Variants in PDZRN3 observed in about 807,000 individuals in gnomAD.
PDZRN3 encodes the protein E3 ubiquitin-protein ligase PDZRN3.
Under a neutral mutation model 85.7 loss-of-function variants are expected in PDZRN3, and 38 were observed. The observed-to-expected ratio is 0.44, with a 90% CI of 0.34 to 0.58. The LOEUF (loss-of-function observed/expected upper bound fraction) is 0.58, where lower values mean the gene tolerates loss of function less well. Ranked by LOEUF, PDZRN3 falls within the 20% of genes least tolerant of loss-of-function variation. The probability of loss-of-function intolerance (pLI) is 0.01; values close to 1 mark genes in which losing one functional copy is unlikely to be tolerated. For missense variants in PDZRN3, 1,629 were observed against 1,506.4 expected (o/e 1.08, Z -1.35); for synonymous variants, 759 against 638.0 (o/e 1.19, Z -2.86).
At chr3:73,423,499 T>C (rs1335009282) in intron 3 of PDZRN3, among the ~76,000 whole-genome samples, 1 of 152,266 alleles carries the variant, frequency 6.6e-6, no homozygotes, top group Non-Finnish European at 1.5e-5. Context: ...ATTTGGTTCA[T>C]GTGTTGTTTG....
chr3:73,460,919 G>A (rs1376247187), intron 3 of PDZRN3, among the ~76,000 whole-genome samples: 1 of 151,898 alleles, frequency 6.6e-6, no homozygotes, highest in Non-Finnish European at 1.5e-5. Context: ...TCAGCCTCCT[G>A]AGTAGCTGGG....
chr3:73,445,443 AAAAAC>A (rs201285971), intron 3 of PDZRN3, among the ~76,000 whole-genome samples: 37 of 152,108 alleles, frequency 2.4e-4, no homozygotes, highest in African/African-American at 5.8e-4. Flanking sequence ...GACACTTGAG[AAAAAC>A]AAAACAAAAC....
intron 3 of PDZRN3, among the ~76,000 whole-genome samples, chr3:73,468,988 CTAT>C (rs949494685): frequency 6.6e-6 from 1 of 151,958 alleles, no homozygotes; most frequent in Non-Finnish European, 1.5e-5. Flanking sequence ...ATATTGGCTC[CTAT>C]TATTATTATG....
At chr3:73,574,462 G>GGA (rs1553704243) in intron 3 of PDZRN3, among the ~76,000 whole-genome samples, 1 of 140,292 alleles carries the variant, frequency 7.1e-6, no homozygotes, top group East Asian at 2.2e-4. Flanking sequence ...TGGGGTGGGG[G>GGA]GGGTGGGGAG....
In PDZRN3 at chr3:73,624,891, C is replaced by T; in HGVS notation, c.-66G>A. On this transcript the variant is annotated 5_prime_UTR_variant, in exon 1 of 10. Transcript: ENST00000263666. ...CGCCCCCTCCCTCCCCACGAGGCGG[C>T]CCAGACAGGCCGGCTACGCCGCCCG... 1 of 1,212,154 alleles carries T rather than the reference C, an allele frequency of 8.2e-7. No homozygotes were observed. The highest frequency in any genetic ancestry group is 1.0e-6 in the Non-Finnish European group (1 of 964,518). 75.1% of individuals were successfully genotyped at this position (1,212,154 alleles called of 1,614,324 possible).
At chr3:73,405,208 T>C (rs567260667) in intron 3 of PDZRN3, among the ~76,000 whole-genome samples, 1 of 152,372 alleles carries the variant, frequency 6.6e-6, no homozygotes, top group South Asian at 2.1e-4. Flanking sequence ...GTCAGAACGT[T>C]GGACGCGGTG....
intron 1 of PDZRN3, among the ~76,000 whole-genome samples, chr3:73,617,688 A>G (rs1702784867): frequency 6.6e-6 from 1 of 152,010 alleles, no homozygotes. Context: ...CCAGGACATC[A>G]TCTCTTTTTT....
intron 3 of PDZRN3, among the ~76,000 whole-genome samples, chr3:73,519,741 A>T (rs576651329): frequency 6.6e-6 from 1 of 152,318 alleles, no homozygotes; most frequent in South Asian, 2.1e-4. Context: ...CCAGAACAGT[A>T]GCATCACATC....
In PDZRN3 at chr3:73,499,078, G is replaced by A. The variant is rs77251571; in HGVS notation, c.919-94683C>T. 5.8e-4 allele frequency among the ~76,000 whole-genome samples: 88 copies of A among 152,244 alleles called. 2 individuals are homozygous for A. The East Asian group carries it at 0.015, about 25-fold the overall frequency. Reference sequence around the variant, plus strand: ...TTCCCAGTGGCCGGTGACACCGCACGAAAGGGATAAACAACCACACGGCTG... The same window carrying A: ...TTCCCAGTGGCCGGTGACACCGCACAAAAGGGATAAACAACCACACGGCTG... On this transcript the variant is annotated intron_variant, in intron 3 of 9. Coordinates refer to ENST00000263666, the MANE Select transcript of PDZRN3 (RefSeq NM_015009.3).
chr3:73,489,575 C>CTTTTTTTTCTTT (rs1553694904), intron 3 of PDZRN3, among the ~76,000 whole-genome samples: 1 of 80,096 alleles, frequency 1.2e-5, no homozygotes, highest in Non-Finnish European at 2.3e-5. Flanking sequence ...AGTTTCTTTT[C>CTTTTTTTTCTTT]TTTTTTTTTT....
chr3:73,400,835 A>G (rs1041851945), intron 5 of PDZRN3, 87 bp downstream of exon 5: 2 of 958,444 alleles, frequency 2.1e-6, no homozygotes, highest in African/African-American at 3.2e-5. Context: ...CGGCATCCGT[A>G]AACTAATTTA....
At chr3:73,538,075 C>G (rs1187788731) in intron 3 of PDZRN3, among the ~76,000 whole-genome samples, 1 of 152,200 alleles carries the variant, frequency 6.6e-6, no homozygotes, top group Non-Finnish European at 1.5e-5. Context: ...TGATCATAGA[C>G]TCCATGGAGC....
intron 3 of PDZRN3, among the ~76,000 whole-genome samples, chr3:73,547,793 G>T (rs1431540239): frequency 6.6e-6 from 1 of 152,176 alleles, no homozygotes; most frequent in Non-Finnish European, 1.5e-5. Context: ...CCAGAGATGG[G>T]TCAGGCCAGA....
Position 73,553,055 on chromosome 3 carries a change from T to C in PDZRN3, c.918+49299A>G, listed in dbSNP as rs185907456. Among the ~76,000 whole-genome samples, 5 of 152,208 alleles carry C rather than the reference T, an allele frequency of 3.3e-5. No individual in the cohort carries two copies. The East Asian group carries it at 9.7e-4, about 29-fold the overall frequency. On this transcript the variant is annotated intron_variant, in intron 3 of 9. Transcript: ENST00000263666. ...AAAGCTAACATATAAAATGGAATAATTAAAGGTTAAAGTAGAGACTACAAG... is the reference window on the plus strand; with the variant it reads ...AAAGCTAACATATAAAATGGAATAACTAAAGGTTAAAGTAGAGACTACAAG...
At chr3:73,617,442 T>C (rs1195046274) in intron 1 of PDZRN3, among the ~76,000 whole-genome samples, 1 of 152,206 alleles carries the variant, frequency 6.6e-6, no homozygotes, top group Non-Finnish European at 1.5e-5. Context: ...GAGCAAAGAA[T>C]AGTAAGACTT....
chr3:73,491,912 TTGG>T (rs1256818553), intron 3 of PDZRN3, among the ~76,000 whole-genome samples: 1 of 152,066 alleles, frequency 6.6e-6, no homozygotes, highest in African/African-American at 2.4e-5. Flanking sequence ...AGGTTCTTGA[TTGG>T]ACCAGAGGTG....
chr3:73,497,625 C>T (rs1703890727), intron 3 of PDZRN3, among the ~76,000 whole-genome samples: 1 of 152,186 alleles, frequency 6.6e-6, no homozygotes, highest in African/African-American at 2.4e-5. Context: ...AGGACAGCGT[C>T]CTGAAACTCT....
At chr3:73,425,541 T>C (rs1702296297) in intron 3 of PDZRN3, among the ~76,000 whole-genome samples, 1 of 151,484 alleles carries the variant, frequency 6.6e-6, no homozygotes. Context: ...AAAAACAGGA[T>C]TCCATCCTTT....
chr3:73,603,724 CA>C (rs1257416753), intron 2 of PDZRN3, among the ~76,000 whole-genome samples: 1 of 151,780 alleles, frequency 6.6e-6, no homozygotes, highest in Non-Finnish European at 1.5e-5. Context: ...AAAACAAAAC[CA>C]AAAAACAATC....
Sources: gnomAD v4.1 joint callset for allele counts (sites outside exome capture counted in the v4.1 genomes callset) on GRCh38, gnomAD v4.1.1 for gene constraint, MANE v1.5 for transcripts, NCBI Gene and HGNC (gene_info 2026-07-23, HGNC 2026-07-21) for gene names.